TEX15: variants seen among roughly 807,000 people sequenced by gnomAD.
TEX15 encodes testis expressed 15, meiosis and synapsis associated.
TEX15 carries 171 observed loss-of-function variants against 237.3 expected under a neutral mutation model. The ratio of observed to expected loss-of-function variants is 0.72; its 90% CI spans 0.64 to 0.82. The LOEUF is 0.82. Among genes scored for constraint, TEX15 ranks in the 40% least tolerant of loss-of-function variants. TEX15 has a pLI of 0.00. For missense variants in TEX15, 3,750 were observed against 3,646.5 expected (o/e 1.03, Z -0.73); for synonymous variants, 1,338 against 1,269.8 (o/e 1.05, Z -1.14).
In TEX15 at chr8:30,847,736, C is replaced by A. The variant is rs764162778; in HGVS notation, c.2431G>T (p.Glu811Ter). 6.2e-7 allele frequency: 1 copy of A among 1,613,742 alleles called. No individual in the cohort carries two copies. The highest frequency in any genetic ancestry group is 8.5e-7 in the Non-Finnish European group (1 of 1,179,890). The part of the protein sequence containing the change: ...REHICVHRKN[E>*]NEPVSLENIQ... ...TTCTCTAATGACACTGGTTCATTTT[C>A]ATTTTTCCTATGGACACATATATGT... The change falls in exon 8 of 11, where the codon GAA (glutamate) becomes TAA (stop). Residue 811 changes from glutamate (E) to a stop codon, truncating the protein, a stop_gained. Coordinates refer to ENST00000643185, the MANE Select transcript of TEX15 (RefSeq NM_001350162.2). LOFTEE classifies it high-confidence loss of function.
chr8:30,906,571 CAG>C (rs1166920826), intron 1 of TEX15, among the ~76,000 whole-genome samples: 2 of 128,002 alleles, frequency 1.6e-5, no homozygotes, highest in East Asian at 2.3e-4. Context: ...GCCTGGGTGA[CAG>C]AGCAAGACTC....
intron 7 of TEX15, among the ~76,000 whole-genome samples, chr8:30,854,017 T>C (rs779878702): frequency 3.9e-5 from 6 of 151,966 alleles, no homozygotes; most frequent in African/African-American, 1.4e-4. Flanking sequence ...TTCTAGAAAT[T>C]TATAGCTATA....
chr8:30,854,130 G>GA (rs1038746487), intron 7 of TEX15, among the ~76,000 whole-genome samples: 43 of 149,158 alleles, frequency 2.9e-4, no homozygotes, highest in African/African-American at 1.0e-3. Flanking sequence ...AAAGCAAACA[G>GA]AAAAAAATAA....
intron 1 of TEX15, among the ~76,000 whole-genome samples, chr8:30,905,559 G>A (rs1050322185): frequency 4.6e-5 from 7 of 151,680 alleles, no homozygotes; most frequent in African/African-American, 1.7e-4. Context: ...ACTTATTCAC[G>A]CCATGGATAA....
At chr8:30,864,053 G>A (rs944587450) in intron 5 of TEX15, among the ~76,000 whole-genome samples, 4 of 151,944 alleles carry the variant, frequency 2.6e-5, no homozygotes, top group South Asian at 4.1e-4. Context: ...TGCTCAAAGA[G>A]CTAAGTATGT....
intron 1 of TEX15, among the ~76,000 whole-genome samples, chr8:30,901,802 G>T (rs1809010693): frequency 6.6e-6 from 1 of 152,168 alleles, no homozygotes; most frequent in Non-Finnish European, 1.5e-5. Context: ...TGAAAGAGAA[G>T]ATCTTAACTT....
chr8:30,835,697 T>C (rs1179838285), intron 10 of TEX15, among the ~76,000 whole-genome samples: 3 of 152,256 alleles, frequency 2.0e-5, no homozygotes, highest in East Asian at 3.8e-4. Flanking sequence ...TGCAGGATAA[T>C]TGTTTTTATA....
rs145972852 is a variant in TEX15 at position 30,836,916 on chromosome 8, G to A, written c.9368C>T (p.Ser3123Phe). ...TGAAAAAATTGGCTGCCGAAAATTA[G>A]AAGCAGGTATTTGAGATTGAAAATA... ...NGYFQSQIPASNFRQPIFSQY... is the reference protein window; with the variant it reads ...NGYFQSQIPAFNFRQPIFSQY... Residue 3123 changes from serine to phenylalanine, a missense_variant, in exon 10 of 11, where the codon TCT (serine) becomes TTT (phenylalanine). Ser to Phe is a radical substitution (Grantham distance 155, BLOSUM62 -2). Coordinates refer to ENST00000643185, the MANE Select transcript of TEX15 (RefSeq NM_001350162.2). 10,701 of 1,614,150 alleles carry A rather than the reference G, an allele frequency of 6.6e-3. 46 individuals carry two copies. The highest frequency in any genetic ancestry group is 7.6e-3 in the Non-Finnish European group (9,024 of 1,180,018).
intron 5 of TEX15, among the ~76,000 whole-genome samples, chr8:30,865,325 G>C (rs997495995): frequency 1.3e-5 from 2 of 152,026 alleles, no homozygotes; most frequent in African/African-American, 4.8e-5. Flanking sequence ...CAGTAATAAA[G>C]TCTTCAGACA....
chr8:30,836,205 GTTTTTTTTTTTT>G (rs33984716), intron 10 of TEX15, among the ~76,000 whole-genome samples: 9 of 43,278 alleles, frequency 2.1e-4, no homozygotes, highest in South Asian at 1.4e-3. Context: ...TCACTGTATC[GTTTTTTTTTTTT>G]TTTTTTTTTT....
chr8:30,869,120 T>C (rs1476989197), intron 4 of TEX15, among the ~76,000 whole-genome samples: 3 of 151,966 alleles, frequency 2.0e-5, no homozygotes, highest in Non-Finnish European at 2.9e-5. Flanking sequence ...AAATGACCTA[T>C]AAAAAAGTTA....
In TEX15 at chr8:30,847,409, T is replaced by C. The variant is rs138219865; in HGVS notation, c.2758A>G (p.Thr920Ala). 2 of 1,612,248 alleles carry C rather than the reference T, an allele frequency of 1.2e-6. No homozygotes were observed. Among genetic ancestry groups the C allele is most frequent in the African/African-American group, 2.7e-5 (2 of 74,788 alleles). Residue 920 changes from threonine to alanine, a missense_variant, in exon 8 of 11, where the codon ACT (threonine) becomes GCT (alanine). Physicochemically the swap from Thr to Ala is moderately conservative, Grantham distance 58. Coordinates refer to ENST00000643185, the MANE Select transcript of TEX15 (RefSeq NM_001350162.2). ...IEILSSEEFS[T>A]KFNLICREDN... Reference sequence around the variant, plus strand: ...TCTCTGCAAATCAAGTTAAATTTAGTAGAAAATTCTTCAGAACTCAAAATT... The same window carrying C: ...TCTCTGCAAATCAAGTTAAATTTAGCAGAAAATTCTTCAGAACTCAAAATT...
intron 4 of TEX15, among the ~76,000 whole-genome samples, chr8:30,872,560 GA>G (rs1808313423): frequency 6.6e-6 from 1 of 151,986 alleles, no homozygotes; most frequent in Non-Finnish European, 1.5e-5. Context: ...AGTACTTCAG[GA>G]AGTATTCCTG....
intron 1 of TEX15, among the ~76,000 whole-genome samples, chr8:30,899,242 C>T (rs552024903): frequency 9.9e-5 from 15 of 152,230 alleles, no homozygotes; most frequent in South Asian, 4.1e-4. Context: ...ATACATGCTA[C>T]ACACAGTATA....
At chr8:30,859,798 T>C (rs1386175586) in intron 6 of TEX15, 113 bp downstream of exon 6, 2 of 799,336 alleles carry the variant, frequency 2.5e-6, no homozygotes, top group Non-Finnish European at 3.4e-6. Context: ...TTGCTTAAGA[T>C]ATTATATTGA....
chr8:30,911,296 T>G (rs1302711120), intron 1 of TEX15, among the ~76,000 whole-genome samples: 1 of 152,150 alleles, frequency 6.6e-6, no homozygotes, highest in Non-Finnish European at 1.5e-5. Flanking sequence ...TTTTCGTATT[T>G]TTTGTATTAT....
rs761077586 is a variant in TEX15, at chr8:30,842,494, G to T, written c.7673C>A (p.Ser2558Tyr). ...LSEIKKLLKK[S>Y]KYFISTYIDF... The stretch of plus-strand genomic sequence containing the variant: ...AATATATGTGGAAATAAAATACTTG[G>T]ACTTCTTCAGAAGCTTTTTTATTTC... Residue 2558 changes from serine to tyrosine, a missense_variant, in exon 8 of 11, where the codon TCC becomes TAC. Transcript: ENST00000643185. The T allele has an allele frequency of 3.1e-6, 5 of 1,612,458 alleles. No homozygotes were observed. The highest frequency in any genetic ancestry group is 1.7e-5 in the Admixed American group (1 of 59,888).
intron 2 of TEX15, chr8:30,887,889 C>CATATATATATATATAT (rs36204928): frequency 1.9e-5 from 2 of 108,062 alleles, no homozygotes; most frequent in Non-Finnish European, 3.9e-5. Context: ...ATATATATTT[C>CATATATATATATATAT]ATATATATAT....
intron 7 of TEX15, among the ~76,000 whole-genome samples, chr8:30,855,091 C>T (rs934678581): frequency 6.6e-6 from 1 of 152,032 alleles, no homozygotes; most frequent in Non-Finnish European, 1.5e-5. Context: ...TGCCACTTCT[C>T]TTACTGAAGG....
Sources: gnomAD v4.1 joint callset for allele counts (sites outside exome capture counted in the v4.1 genomes callset) on GRCh38, gnomAD v4.1.1 for gene constraint, MANE v1.5 for transcripts, NCBI Gene and HGNC (gene_info 2026-07-23, HGNC 2026-07-21) for gene names.